AFAP1: variants seen among roughly 807,000 people sequenced by gnomAD.
The protein encoded by AFAP1 is actin filament associated protein 1.
Under a neutral mutation model 93.9 loss-of-function variants are expected in AFAP1, and 75 were observed. The observed-to-expected ratio is 0.80, with a 90% CI of 0.66 to 0.97. The LOEUF is 0.97. Ranked by LOEUF, AFAP1 falls within the 50% of genes least tolerant of loss-of-function variation. The pLI is 0.00. For missense variants in AFAP1, 1,201 were observed against 1,050.8 expected (o/e 1.14, Z -1.98); for synonymous variants, 517 against 430.7 (o/e 1.20, Z -2.48).
At position 7,758,920 on chromosome 4, in the gene AFAP1, G is replaced by GAAAC. The variant is rs1438345105; in HGVS notation, c.*4841_*4844dup. The GAAAC allele has an allele frequency of 1.3e-5, 2 of 152,126 alleles. No individual in the cohort carries two copies. The highest frequency in any genetic ancestry group is 2.9e-5 in the Non-Finnish European group (2 of 68,034). 9.4% of individuals were successfully genotyped at this position (152,126 alleles called of 1,614,324 possible). On this transcript the variant is annotated 3_prime_UTR_variant, in exon 18 of 18. Transcript: ENST00000420658. ...TTACTTTATGAATTAAATACATTGA[G>GAAAC]AAACAGTGAAAATATATTTACAGTC...
chr4:7,906,234 G>A (rs1187195345), intron 1 of AFAP1, among the ~76,000 whole-genome samples: 3 of 152,136 alleles, frequency 2.0e-5, no homozygotes, highest in Admixed American at 1.3e-4. Context: ...CTATGACCTC[G>A]CTGAAGGCTC....
chr4:7,771,006 G>A (rs1021122600), intron 16 of AFAP1, among the ~76,000 whole-genome samples: 1 of 152,210 alleles, frequency 6.6e-6, no homozygotes, highest in African/African-American at 2.4e-5. Flanking sequence ...ATGAGGGACT[G>A]GGGTTGTCCA....
chr4:7,811,128 C>T (rs1297347230), intron 8 of AFAP1, among the ~76,000 whole-genome samples: 2 of 152,150 alleles, frequency 1.3e-5, no homozygotes, highest in Non-Finnish European at 2.9e-5. Context: ...GCCGGCGAGG[C>T]GCTCGGGACA....
chr4:7,898,274 G>T (rs1260521152), intron 1 of AFAP1, among the ~76,000 whole-genome samples: 2 of 152,128 alleles, frequency 1.3e-5, no homozygotes, highest in African/African-American at 4.8e-5. Context: ...CGAGCATGGT[G>T]GTAGGCACCT....
Position 7,859,235 on chromosome 4 carries a change from A to G in AFAP1, c.226-3661T>C, listed in dbSNP as rs1300425915. On this transcript the variant is annotated intron_variant, in intron 3 of 17. Coordinates refer to ENST00000420658, the MANE Select transcript of AFAP1 (RefSeq NM_001134647.2). Reference sequence around the variant, plus strand: ...AGAGTTCAAGACCAGCCTGGCCAACATGATGAAACCCCATCTCTACTAAGA... The same window carrying G: ...AGAGTTCAAGACCAGCCTGGCCAACGTGATGAAACCCCATCTCTACTAAGA... Among the ~76,000 whole-genome samples, 7 of 152,166 alleles carry G rather than the reference A, an allele frequency of 4.6e-5. No individual in the cohort carries two copies. In the East Asian group the frequency reaches 7.7e-4, roughly 17 times the overall value.
chr4:7,823,745 T>C (rs1721181659), intron 6 of AFAP1, among the ~76,000 whole-genome samples: 1 of 152,156 alleles, frequency 6.6e-6, no homozygotes, highest in East Asian at 1.9e-4. Context: ...TCTCTAATCA[T>C]TAACTTCTCT....
intron 17 of AFAP1, among the ~76,000 whole-genome samples, chr4:7,766,624 G>A: frequency 6.8e-6 from 1 of 147,848 alleles, no homozygotes; most frequent in Non-Finnish European, 1.5e-5. Flanking sequence ...CCAGGTGACT[G>A]TGTCACGAGA....
chr4:7,875,548 G>T (rs992197422), intron 1 of AFAP1, among the ~76,000 whole-genome samples: 1 of 151,608 alleles, frequency 6.6e-6, no homozygotes. Flanking sequence ...GAGCCCAGGA[G>T]TTCGAGGCTG....
Position 7,864,979 on chromosome 4 carries a change from TAAAC to T in AFAP1, c.225+3639_225+3642del, listed in dbSNP as rs543931408. The stretch of plus-strand genomic sequence containing the variant: ...GGCAACAAAGTAAGGACCTGACTCT[TAAAC>T]AAACAAAAGTACCTTAAAAAGCTAT... On this transcript the variant is annotated intron_variant, in intron 3 of 17. Transcript: ENST00000420658. 1.6e-4 allele frequency among the ~76,000 whole-genome samples: 25 copies of T among 152,000 alleles called. 1 individual carries two copies. In the South Asian group the frequency reaches 4.8e-3, roughly 29 times the overall value.
At chr4:7,793,173 T>TAA (rs5855979) in intron 11 of AFAP1, among the ~76,000 whole-genome samples, 28,495 of 150,526 alleles carry the variant, frequency 0.19, 2,986 homozygotes, top group East Asian at 0.43. Context: ...TTTTTTTTTT[T>TAA]AAAAAAATCA....
Position 7,772,883 on chromosome 4 carries a change from C to T in AFAP1, c.2190G>A (p.Ala730=), listed in dbSNP as rs2276967. ...GCCCCAGGGTGACTCCGCCCGCCAG[C>T]GCTTTCTTCAGGCTCTCCTTGACCT... ...LTEVKESLKK[A]LAGGVTLGLA... The change falls in exon 16 of 18, where the codon GCG becomes GCA. Residue 730 remains alanine (A), a synonymous_variant. Coordinates refer to ENST00000420658, the MANE Select transcript of AFAP1 (RefSeq NM_001134647.2). 156,489 of 1,614,060 alleles carry T rather than the reference C, an allele frequency of 0.097. 11,194 individuals carry two copies. The highest frequency in any genetic ancestry group is 0.41 in the East Asian group (18,562 of 44,858).
chr4:7,761,380 G>C lies in AFAP1; in HGVS notation c.*2385C>G, dbSNP rs547515775. The C allele has an allele frequency of 4.6e-5, 7 of 152,260 alleles. No homozygotes were observed. The highest frequency in any genetic ancestry group is 1.0e-4 in the Non-Finnish European group (7 of 68,052). 9.4% of individuals were successfully genotyped at this position (152,260 alleles called of 1,614,324 possible). ...TTGTGGATGTGAATTACAAACCTGG[G>C]TTTTTACAACAAAATATGCATGCTG... On this transcript the variant is annotated 3_prime_UTR_variant, in exon 18 of 18. Coordinates refer to ENST00000420658, the MANE Select transcript of AFAP1 (RefSeq NM_001134647.2).
intron 5 of AFAP1, 158 bp downstream of exon 5, chr4:7,842,981 G>T: frequency 1.3e-6 from 1 of 754,640 alleles, no homozygotes; most frequent in South Asian, 1.9e-5. Flanking sequence ...GGCATGTGGG[G>T]GCCCCTGGCA....
intron 1 of AFAP1, among the ~76,000 whole-genome samples, chr4:7,938,035 T>G (rs1721489707): frequency 6.6e-6 from 1 of 152,166 alleles, no homozygotes; most frequent in Non-Finnish European, 1.5e-5. Context: ...AAAGCCAATC[T>G]GTCCTGGCAG....
intron 11 of AFAP1, among the ~76,000 whole-genome samples, chr4:7,792,501 T>G (rs1458634949): frequency 6.6e-6 from 1 of 152,220 alleles, no homozygotes; most frequent in African/African-American, 2.4e-5. Flanking sequence ...TGCCAACTGT[T>G]TGCCTAGAGA....
chr4:7,792,160 C>G (rs1440483220), intron 11 of AFAP1, among the ~76,000 whole-genome samples: 2 of 152,194 alleles, frequency 1.3e-5, no homozygotes, highest in South Asian at 2.1e-4. Flanking sequence ...TGTAGTGACA[C>G]TTCTTCGGGA....
intron 1 of AFAP1, among the ~76,000 whole-genome samples, chr4:7,893,689 A>G (rs1158868631): frequency 1.3e-5 from 2 of 151,750 alleles, no homozygotes; most frequent in Non-Finnish European, 2.9e-5. Context: ...TCCTGGGGAC[A>G]CAACTCACCA....
At chr4:7,772,625 G>A (rs6828005) in intron 16 of AFAP1, 195 bp downstream of exon 16, 295,328 of 574,766 alleles carry the variant, frequency 0.51, 77,859 homozygotes, top group Middle Eastern at 0.58. Flanking sequence ...AGCGAGAGGT[G>A]AGAAAGCATG....
At chr4:7,831,733 G>A (rs1216146017) in intron 6 of AFAP1, among the ~76,000 whole-genome samples, 1 of 152,220 alleles carries the variant, frequency 6.6e-6, no homozygotes, top group Admixed American at 6.5e-5. Flanking sequence ...AAATTTCAGA[G>A]CGGCCTTTTT....
Sources: allele counts gnomAD v4.1 joint callset (sites outside exome capture counted in the v4.1 genomes callset), GRCh38; gene constraint gnomAD v4.1.1; transcripts MANE v1.5; gene names NCBI Gene and HGNC (gene_info 2026-07-23, HGNC 2026-07-21).